NUP98: variants seen among roughly 807,000 people sequenced by gnomAD.
NUP98 encodes the protein nuclear pore complex protein Nup98-Nup96.
In NUP98, 26 loss-of-function variants were observed where a neutral mutation model predicts 191.9. The ratio of observed to expected loss-of-function variants is 0.14; its 90% confidence interval spans 0.10 to 0.19. The LOEUF is 0.19. NUP98 is among the 10% of genes least tolerant of loss of function. NUP98 has a pLI of 1.00. For synonymous variants in NUP98, 808 were observed against 778.4 expected, an observed-to-expected ratio of 1.04 and a Z score of -0.63; for missense variants, 1,941 against 2,178.8, an observed-to-expected ratio of 0.89 and a Z score of 2.17.
At chr11:3,744,476 T>A in intron 12 of NUP98, 33 bp downstream of exon 12, 1 of 1,570,094 alleles carries the variant, frequency 6.4e-7, no homozygotes, top group Non-Finnish European at 8.6e-7. Flanking sequence ...AGCAAAAAAT[T>A]AAGAAAAGCC....
intron 30 of NUP98, 56 bp downstream of exon 30, chr11:3,683,144 T>A: frequency 6.2e-7 from 1 of 1,605,262 alleles, no homozygotes; most frequent in East Asian, 2.2e-5. Flanking sequence ...ATCATGGAGG[T>A]TCAGAGGTTG....
In NUP98 at chr11:3,723,267, G is replaced by T. The variant is rs61751337; in HGVS notation, c.2036C>A (p.Ala679Asp). The change falls in exon 16 of 33, where the codon GCT (alanine) becomes GAT (aspartate). Residue 679 changes from alanine (A) to aspartate (D), a missense_variant. Transcript: ENST00000324932. ...GCTTCCTTCCAGCCCATTTCGCAAAGCAGCACGCATGTTTAATGCAACAAT... is the reference window on the plus strand; with the variant it reads ...GCTTCCTTCCAGCCCATTTCGCAAATCAGCACGCATGTTTAATGCAACAAT... ...DTIVALNMRA[A>D]LRNGLEGSSE... 31 of 1,614,012 alleles carry T rather than the reference G, an allele frequency of 1.9e-5. No homozygotes were observed. The highest frequency in any genetic ancestry group is 2.6e-5 in the Non-Finnish European group (31 of 1,180,028).
Position 3,699,317 on chromosome 11 carries a change from T to G in NUP98, c.3774A>C (p.Leu1258=). The change falls in exon 25 of 33, where the codon CTA becomes CTC. Residue 1258 remains leucine (L), a synonymous_variant. Coordinates refer to ENST00000324932, the MANE Select transcript of NUP98 (RefSeq NM_016320.5). ...TCAGGTGGCCCCATAGGGCTTCACATAGTGTCCATGTCAGGCTCCAGTGCT... is the reference window on the plus strand; with the variant it reads ...TCAGGTGGCCCCATAGGGCTTCACAGAGTGTCCATGTCAGGCTCCAGTGCT... The part of the protein sequence containing the change: ...IVKHWSLTWT[L]CEALWGHLKE... The G allele has an allele frequency of 6.2e-7, 1 of 1,614,174 alleles. No homozygotes were observed. Among genetic ancestry groups the G allele is most frequent in the Non-Finnish European group, 8.5e-7 (1 of 1,180,036 alleles).
In NUP98 at chr11:3,779,196, G is replaced by A. The variant is rs763677395; in HGVS notation, c.138C>T (p.Asn46=). ...AFGTSAFGSS[N]NTGGLFGNSQ... ...AATTTCCAAAGAGGCCTCCAGTATT[G>A]TTGCTAGAACCAAATGCAGATGTTC... The change falls in exon 3 of 33, where the codon AAC becomes AAT. Residue 46 remains asparagine, a synonymous_variant. Transcript: ENST00000324932. 14 of 1,614,166 alleles carry A rather than the reference G, an allele frequency of 8.7e-6. No individual in the cohort carries two copies. In the South Asian group the frequency reaches 1.5e-4, roughly 18 times the overall value.
intron 12 of NUP98, among the ~76,000 whole-genome samples, chr11:3,736,028 AG>A (rs2134313358): frequency 6.8e-6 from 1 of 147,492 alleles, no homozygotes; most frequent in African/African-American, 2.5e-5. Context: ...CAGACTCCCA[AG>A]TAGCTGGGAC....
intron 16 of NUP98, among the ~76,000 whole-genome samples, chr11:3,721,730 A>G (rs928790303): frequency 6.6e-6 from 1 of 152,154 alleles, no homozygotes; most frequent in African/African-American, 2.4e-5. Flanking sequence ...GAAGAAAAGA[A>G]GAAAGAAAGA....
intron 1 of NUP98, among the ~76,000 whole-genome samples, chr11:3,793,326 G>A (rs1240926612): frequency 6.6e-6 from 1 of 151,976 alleles, no homozygotes; most frequent in Non-Finnish European, 1.5e-5. Flanking sequence ...GTCTTGCTCT[G>A]TCACCCAGGA....
At chr11:3,728,886 A>G (rs569908066) in intron 14 of NUP98, among the ~76,000 whole-genome samples, 2 of 152,314 alleles carry the variant, frequency 1.3e-5, no homozygotes, top group Non-Finnish European at 2.9e-5. Flanking sequence ...TACAGGGTAG[A>G]ACCAAGAGGA....
At position 3,702,831 on chromosome 11, in the gene NUP98, C is replaced by A. The variant is rs2078751308; in HGVS notation, c.3144G>T (p.Val1048=). The A allele has an allele frequency of 1.2e-6, 2 of 1,614,026 alleles. No homozygotes were observed. The highest frequency in any genetic ancestry group is 2.2e-5 in the East Asian group (1 of 44,884). Residue 1048 remains valine (V), a synonymous_variant, in exon 23 of 33, where the codon GTG becomes GTT. Transcript: ENST00000324932. ...CTGCTCTGGGAGTACGACATTCTTG[C>A]ACAGAGACACTTGGTGAAAGAAAAG... ...SGAFLSPSVS[V]QECRTPRAAS...
Position 3,747,405 on chromosome 11 carries a change from A to G in NUP98, c.1268-2756T>C, listed in dbSNP as rs981061458. Among the ~76,000 whole-genome samples, 23 of 152,170 alleles carry G rather than the reference A, an allele frequency of 1.5e-4. 1 individual carries two copies. The highest frequency in any genetic ancestry group is 1.4e-3 in the Admixed American group (22 of 15,264). ...ATATGTAGCCATTACTTCAAGGAAA[A>G]CCTGTAGAACAAAGGTTTATTATTA... On this transcript the variant is annotated intron_variant, in intron 11 of 32. Coordinates refer to ENST00000324932, the MANE Select transcript of NUP98 (RefSeq NM_016320.5).
intron 28 of NUP98, among the ~76,000 whole-genome samples, chr11:3,688,316 G>A (rs972373556): frequency 6.6e-6 from 1 of 152,128 alleles, no homozygotes; most frequent in African/African-American, 2.4e-5. Context: ...TGAGGCAGGA[G>A]AATGGTGTGA....
intron 13 of NUP98, among the ~76,000 whole-genome samples, chr11:3,734,137 G>A (rs2079956152): frequency 6.6e-6 from 1 of 151,742 alleles, no homozygotes; most frequent in Admixed American, 6.6e-5. Flanking sequence ...CCAGGTACAA[G>A]CAATTCTCCT....
intron 2 of NUP98, among the ~76,000 whole-genome samples, chr11:3,780,210 G>A (rs889257158): frequency 6.6e-6 from 1 of 151,600 alleles, no homozygotes; most frequent in African/African-American, 2.4e-5. Flanking sequence ...CTTTAAAAAG[G>A]AGATCAGGAG....
rs1313924223 is a variant in NUP98 at position 3,699,219 on chromosome 11, C to A, written c.3872G>T (p.Arg1291Leu). The A allele has an allele frequency of 1.2e-6, 2 of 1,613,972 alleles. No homozygotes were observed. The highest frequency in any genetic ancestry group is 2.2e-5 in the East Asian group (1 of 44,886). ...QILERRRAFS[R>L]WLSCTATPQI... ...AGGTGTGGCAGTACAGGATAGCCAG[C>A]GGGAGAAAGCTCTTCTTCGCTCCAG... is the stretch of plus-strand genomic sequence containing the variant. The change falls in exon 25 of 33, where the codon CGC becomes CTC. Residue 1291 changes from arginine (R) to leucine (L), a missense_variant. Arg to Leu is a moderately radical substitution (Grantham distance 102). Transcript: ENST00000324932.
At chr11:3,697,667 C>T (rs1295424175) in intron 25 of NUP98, among the ~76,000 whole-genome samples, 1 of 151,446 alleles carries the variant, frequency 6.6e-6, no homozygotes, top group Admixed American at 6.6e-5. Flanking sequence ...AAAAAGACAA[C>T]TAGCTGGGCA....
chr11:3,745,293 T>G (rs2080448990), intron 11 of NUP98, among the ~76,000 whole-genome samples: 1 of 152,192 alleles, frequency 6.6e-6, no homozygotes, highest in South Asian at 2.1e-4. Flanking sequence ...ACACAACACT[T>G]TCAATTATAC....
At chr11:3,780,005 G>C (rs1290367336) in intron 2 of NUP98, among the ~76,000 whole-genome samples, 5 of 152,136 alleles carry the variant, frequency 3.3e-5, no homozygotes, top group Non-Finnish European at 7.3e-5. Flanking sequence ...TAGTCACTGA[G>C]ATAAATGGTC....
chr11:3,750,065 T>C (rs973414330), intron 11 of NUP98, among the ~76,000 whole-genome samples: 7 of 152,208 alleles, frequency 4.6e-5, no homozygotes, highest in Non-Finnish European at 1.0e-4. Context: ...TAAATGTCCA[T>C]CAATAGGTGA....
Position 3,753,344 on chromosome 11 carries a change from T to C in NUP98, c.1239A>G (p.Gly413=). 6.2e-7 allele frequency: 1 copy of C among 1,614,066 alleles called. No individual in the cohort carries two copies. Among genetic ancestry groups the C allele is most frequent in the Non-Finnish European group, 8.5e-7 (1 of 1,179,960 alleles). The change falls in exon 11 of 33, where the codon GGA becomes GGG. Residue 413 remains glycine (G), a synonymous_variant. Transcript: ENST00000324932. ...FGSKPAPGTL[G]TGLGAGFGTA... The stretch of plus-strand genomic sequence containing the variant: ...TTCCAAATCCTGCACCAAGCCCAGT[T>C]CCAAGAGTCCCAGGTGCTGGTTTAC...
Sources: allele counts gnomAD v4.1 joint callset (sites outside exome capture counted in the v4.1 genomes callset), GRCh38; gene constraint gnomAD v4.1.1; transcripts MANE v1.5; gene names NCBI Gene and HGNC (gene_info 2026-07-23, HGNC 2026-07-21).